Variants in CCSER1 observed in about 807,000 individuals in gnomAD.
CCSER1 encodes serine-rich coiled-coil domain-containing protein 1.
A neutral mutation model predicts 82.0 loss-of-function variants in CCSER1; 41 were observed. The observed-to-expected ratio is 0.50, with a 90% CI of 0.39 to 0.65. CCSER1 has a LOEUF of 0.65. CCSER1 is among the 30% of genes least tolerant of loss of function. CCSER1 has a pLI of 0.00. For missense variants in CCSER1, 1,119 were observed against 1,064.2 expected, an observed-to-expected ratio of 1.05 and a Z score of -0.72; for synonymous variants, 414 against 383.9, an observed-to-expected ratio of 1.08 and a Z score of -0.92.
chr4:90,886,078 T>C (rs1722077925), intron 8 of CCSER1, among the ~76,000 whole-genome samples: 1 of 152,124 alleles, frequency 6.6e-6, no homozygotes, highest in South Asian at 2.1e-4. Context: ...GGGCAAGTCT[T>C]CCTAGTCAGA....
intron 9 of CCSER1, among the ~76,000 whole-genome samples, chr4:91,032,535 C>T (rs1253988187): frequency 6.6e-6 from 1 of 152,260 alleles, no homozygotes; most frequent in South Asian, 2.1e-4. Flanking sequence ...GGGCAAGTGG[C>T]ATTCTTGTCA....
At chr4:90,483,201 C>CT (rs971885135) in intron 5 of CCSER1, among the ~76,000 whole-genome samples, 8 of 152,050 alleles carry the variant, frequency 5.3e-5, no homozygotes, top group Admixed American at 2.6e-4. Flanking sequence ...CAACCCCTGC[C>CT]TTTTTTTGTT....
chr4:90,915,164 G>A (rs191921661), intron 8 of CCSER1, among the ~76,000 whole-genome samples: 8,121 of 152,088 alleles, frequency 0.053, 314 homozygotes, highest in East Asian at 0.12. Context: ...AACTCATTTC[G>A]TGAGGCCAGC....
chr4:91,382,665 G>A (rs75993104), intron 10 of CCSER1, among the ~76,000 whole-genome samples: 20 of 152,066 alleles, frequency 1.3e-4, no homozygotes, highest in African/African-American at 3.9e-4. Flanking sequence ...TGGGTGAGGC[G>A]ATCCCTCACC....
At chr4:90,838,813 T>C (rs1762160897) in intron 8 of CCSER1, 3 of 1,528,768 alleles carry the variant, frequency 2.0e-6, no homozygotes, top group South Asian at 1.1e-5. Context: ...CCAACCTCTT[T>C]GCATCTTACA....
chr4:90,353,593 T>A (rs1743886046), intron 3 of CCSER1, among the ~76,000 whole-genome samples: 1 of 152,122 alleles, frequency 6.6e-6, no homozygotes, highest in African/African-American at 2.4e-5. Flanking sequence ...GAATGGCATC[T>A]CACATCCTCT....
chr4:91,459,058 C>T (rs1172314588), intron 10 of CCSER1, among the ~76,000 whole-genome samples: 6 of 151,830 alleles, frequency 4.0e-5, no homozygotes, highest in Non-Finnish European at 8.8e-5. Context: ...TATAATGTTT[C>T]CTTCATATTA....
intron 10 of CCSER1, among the ~76,000 whole-genome samples, chr4:91,550,924 CTATTA>C (rs1369644015): frequency 6.6e-6 from 1 of 152,102 alleles, no homozygotes; most frequent in Non-Finnish European, 1.5e-5. Flanking sequence ...GCATTTGAAA[CTATTA>C]TTTTAAATAA....
intron 4 of CCSER1, among the ~76,000 whole-genome samples, chr4:90,441,293 G>A (rs1463914071): frequency 6.6e-6 from 1 of 151,870 alleles, no homozygotes; most frequent in Admixed American, 6.6e-5. Context: ...TAACAAAATA[G>A]CATAGACTAA....
intron 7 of CCSER1, among the ~76,000 whole-genome samples, chr4:90,742,947 A>T (rs72661889): frequency 0.26 from 40,010 of 152,104 alleles, 5,924 homozygotes; most frequent in East Asian, 0.34. Flanking sequence ...TGATTTTTTT[A>T]AGATATAAAT....
intron 7 of CCSER1, among the ~76,000 whole-genome samples, chr4:90,749,847 G>T (rs1052825743): frequency 7.9e-5 from 12 of 151,666 alleles, no homozygotes; most frequent in Non-Finnish European, 1.5e-4. Flanking sequence ...TCTAGTTCTA[G>T]ATCCCTGAGG....
chr4:90,917,668 A>T (rs568870708), intron 8 of CCSER1, among the ~76,000 whole-genome samples: 1 of 152,194 alleles, frequency 6.6e-6, no homozygotes, highest in South Asian at 2.1e-4. Context: ...ATAATTTTTT[A>T]AAAAAGATCA....
chr4:90,651,300 A>G (rs1034170343), intron 6 of CCSER1, among the ~76,000 whole-genome samples: 2 of 152,190 alleles, frequency 1.3e-5, no homozygotes, highest in African/African-American at 4.8e-5. Context: ...AATGTCCATC[A>G]GTGATAGACT....
rs540310716 is a variant in CCSER1, at chr4:90,240,787, C to T, written c.-41-67457C>T. 4.3e-4 allele frequency among the ~76,000 whole-genome samples: 65 copies of T among 152,238 alleles called. 1 individual carries two copies. Among genetic ancestry groups the T allele is most frequent in the African/African-American group, 1.6e-3 (65 of 41,532 alleles). On this transcript the variant is annotated intron_variant, in intron 1 of 10. Transcript: ENST00000509176. Reference sequence around the variant, plus strand: ...AGGTGCCCAATTTTAGCCCCTTGGACTTGTCCATCTGGATTAGTCACATTA... The same window carrying T: ...AGGTGCCCAATTTTAGCCCCTTGGATTTGTCCATCTGGATTAGTCACATTA...
At chr4:90,703,774 T>C (rs1738685569) in intron 6 of CCSER1, among the ~76,000 whole-genome samples, 1 of 152,212 alleles carries the variant, frequency 6.6e-6, no homozygotes, top group African/African-American at 2.4e-5. Context: ...AAGTCTGTTT[T>C]ATCAGAGACT....
chr4:91,420,246 G>A (rs1359539145), intron 10 of CCSER1, among the ~76,000 whole-genome samples: 1 of 152,012 alleles, frequency 6.6e-6, no homozygotes, highest in African/African-American at 2.4e-5. Flanking sequence ...AGGAAACAAA[G>A]TGAAAATGCA....
chr4:91,087,874 G>A (rs920858040), intron 10 of CCSER1, among the ~76,000 whole-genome samples: 1 of 152,060 alleles, frequency 6.6e-6, no homozygotes, highest in Non-Finnish European at 1.5e-5. Context: ...GTGACTAAGA[G>A]GCCTAGTATG....
intron 10 of CCSER1, among the ~76,000 whole-genome samples, chr4:91,297,365 TTGTGTG>T (rs764634343): frequency 1.1e-4 from 14 of 128,914 alleles, no homozygotes; most frequent in East Asian, 2.2e-4. Context: ...GAATGGATGC[TTGTGTG>T]TGTGTGTGTG....
At chr4:90,298,815 T>C (rs1479507060) in intron 1 of CCSER1, among the ~76,000 whole-genome samples, 1 of 152,142 alleles carries the variant, frequency 6.6e-6, no homozygotes, top group Non-Finnish European at 1.5e-5. Flanking sequence ...GAGTCTGAAT[T>C]CTTAACAGTT....
Sources: allele counts gnomAD v4.1 joint callset (sites outside exome capture counted in the v4.1 genomes callset), GRCh38; gene constraint gnomAD v4.1.1; transcripts MANE v1.5; gene names NCBI Gene and HGNC (gene_info 2026-07-23, HGNC 2026-07-21).